ZDHHC14: variants seen among roughly 807,000 people sequenced by gnomAD.
ZDHHC14 encodes palmitoyltransferase ZDHHC14.
In ZDHHC14, 16 loss-of-function variants were observed where a neutral mutation model predicts 47.7. The observed-to-expected ratio is 0.34, with a 90% confidence interval of 0.23 to 0.51. ZDHHC14 has a LOEUF of 0.51. ZDHHC14 is among the 20% of genes least tolerant of loss of function. ZDHHC14 has a pLI of 0.97. For missense variants in ZDHHC14, 515 were observed against 662.5 expected (o/e 0.78, Z 2.44); for synonymous variants, 293 against 278.9 (o/e 1.05, Z -0.50).
chr6:157,449,887 T>C (rs1018649190), intron 1 of ZDHHC14, among the ~76,000 whole-genome samples: 3 of 152,170 alleles, frequency 2.0e-5, no homozygotes, highest in African/African-American at 7.2e-5. Context: ...ATGGTTTGAA[T>C]TGCAGCTTTC....
intron 1 of ZDHHC14, among the ~76,000 whole-genome samples, chr6:157,533,078 T>C (rs1781422292): frequency 6.6e-6 from 1 of 152,194 alleles, no homozygotes; most frequent in African/African-American, 2.4e-5. Flanking sequence ...GTTACAAATA[T>C]AGATGTGTTT....
intron 3 of ZDHHC14, among the ~76,000 whole-genome samples, chr6:157,626,686 G>A (rs966917118): frequency 6.6e-6 from 1 of 152,006 alleles, no homozygotes; most frequent in East Asian, 1.9e-4. Context: ...ATCATGCAAC[G>A]TCCACAGTTT....
chr6:157,655,455 C>T (rs1366141901), intron 8 of ZDHHC14, among the ~76,000 whole-genome samples: 3 of 152,220 alleles, frequency 2.0e-5, no homozygotes, highest in African/African-American at 7.2e-5. Flanking sequence ...AGCGCACAGG[C>T]ATTAAAGACC....
At chr6:157,428,195 A>T (rs1484502667) in intron 1 of ZDHHC14, among the ~76,000 whole-genome samples, 1 of 152,136 alleles carries the variant, frequency 6.6e-6, no homozygotes, top group Admixed American at 6.5e-5. Context: ...TGGTGTTTGC[A>T]TGGGTGGCAG....
chr6:157,644,662 C>T (rs1054454839), intron 5 of ZDHHC14, among the ~76,000 whole-genome samples: 2 of 152,204 alleles, frequency 1.3e-5, no homozygotes, highest in Non-Finnish European at 2.9e-5. Context: ...TATCTCCAGC[C>T]TGGAGAAGAT....
intron 3 of ZDHHC14, among the ~76,000 whole-genome samples, chr6:157,609,243 A>T (rs1386554068): frequency 6.6e-6 from 1 of 152,210 alleles, no homozygotes; most frequent in Non-Finnish European, 1.5e-5. Context: ...AGAGCTGAGC[A>T]CTGCCTGTGT....
At chr6:157,619,714 GT>G (rs11305726) in intron 3 of ZDHHC14, among the ~76,000 whole-genome samples, 53,710 of 147,164 alleles carry the variant, frequency 0.36, 10,483 homozygotes, top group East Asian at 0.86. Context: ...TTTAGGGTTT[GT>G]TTTTTTTTTT....
chr6:157,418,465 G>A (rs1213437152), intron 1 of ZDHHC14, among the ~76,000 whole-genome samples: 1 of 152,196 alleles, frequency 6.6e-6, no homozygotes, highest in Non-Finnish European at 1.5e-5. Flanking sequence ...AGGATGTATG[G>A]AACAGGACAT....
At chr6:157,659,750 C>A (rs1193698067) in intron 8 of ZDHHC14, among the ~76,000 whole-genome samples, 1 of 152,240 alleles carries the variant, frequency 6.6e-6, no homozygotes, top group Non-Finnish European at 1.5e-5. Context: ...GGCAAGTTGC[C>A]AAGCAATCCG....
chr6:157,410,953 C>A (rs918297251), intron 1 of ZDHHC14, among the ~76,000 whole-genome samples: 1 of 152,208 alleles, frequency 6.6e-6, no homozygotes, highest in African/African-American at 2.4e-5. Flanking sequence ...CTTCATCCTC[C>A]TAAAGTGCTG....
chr6:157,518,159 A>T (rs915474992), intron 1 of ZDHHC14, among the ~76,000 whole-genome samples: 44 of 152,084 alleles, frequency 2.9e-4, no homozygotes, highest in Non-Finnish European at 1.3e-4. Flanking sequence ...AACAAAGACC[A>T]CCCACCTGCA....
At chr6:157,587,026 T>A (rs971786366) in intron 2 of ZDHHC14, among the ~76,000 whole-genome samples, 1 of 152,346 alleles carries the variant, frequency 6.6e-6, no homozygotes, top group Admixed American at 6.5e-5. Flanking sequence ...AACTAGGCTA[T>A]TTAAATAGTT....
At chr6:157,454,023 A>C (rs1328912350) in intron 1 of ZDHHC14, among the ~76,000 whole-genome samples, 1 of 152,114 alleles carries the variant, frequency 6.6e-6, no homozygotes, top group African/African-American at 2.4e-5. Flanking sequence ...GAAAAATATT[A>C]TTTTCATAGA....
intron 1 of ZDHHC14, among the ~76,000 whole-genome samples, chr6:157,441,097 G>A (rs1778552726): frequency 6.6e-6 from 1 of 152,160 alleles, no homozygotes; most frequent in African/African-American, 2.4e-5. Context: ...TTGTGGCTGT[G>A]ATAGTTTTGT....
chr6:157,384,744 T>C (rs554302556), intron 1 of ZDHHC14, among the ~76,000 whole-genome samples: 1 of 152,292 alleles, frequency 6.6e-6, no homozygotes, highest in South Asian at 2.1e-4. Context: ...ATAACCAATT[T>C]GACCAAATTA....
At chr6:157,466,835 C>CA (rs775157353) in intron 1 of ZDHHC14, among the ~76,000 whole-genome samples, 1 of 150,414 alleles carries the variant, frequency 6.6e-6, no homozygotes, top group Non-Finnish European at 1.5e-5. Flanking sequence ...GACTCTTTCT[C>CA]AAAAAACAAA....
chr6:157,643,503 C>T (rs1470974961), intron 5 of ZDHHC14, among the ~76,000 whole-genome samples: 1 of 151,152 alleles, frequency 6.6e-6, no homozygotes, highest in Non-Finnish European at 1.5e-5. Context: ...CAAAACTTAG[C>T]CATGCATGGT....
intron 1 of ZDHHC14, among the ~76,000 whole-genome samples, chr6:157,420,506 G>A (rs982299366): frequency 1.3e-5 from 2 of 151,738 alleles, no homozygotes; most frequent in East Asian, 1.9e-4. Context: ...GGGCTGAATC[G>A]AGGCACTAAT....
At chr6:157,458,768 C>G (rs1489452215) in intron 1 of ZDHHC14, among the ~76,000 whole-genome samples, 1 of 150,934 alleles carries the variant, frequency 6.6e-6, no homozygotes, top group Non-Finnish European at 1.5e-5. Flanking sequence ...CAATTAAAAG[C>G]ATCACTCAAT....
Sources: gnomAD v4.1 joint callset for allele counts (sites outside exome capture counted in the v4.1 genomes callset) on GRCh38, gnomAD v4.1.1 for gene constraint, MANE v1.5 for transcripts, NCBI Gene and HGNC (gene_info 2026-07-23, HGNC 2026-07-21) for gene names.